CDC5L: variants seen among roughly 807,000 people sequenced by gnomAD.
CDC5L encodes the protein cell division cycle 5 like.
In CDC5L, 18 loss-of-function variants were observed where a neutral mutation model predicts 104.1. The ratio of observed to expected loss-of-function variants is 0.17; its 90% CI spans 0.12 to 0.26. The LOEUF is 0.26. Ranked by LOEUF, CDC5L falls within the 10% of genes least tolerant of loss-of-function variation. CDC5L has a pLI of 1.00. For synonymous variants in CDC5L, 331 were observed against 322.7 expected, an observed-to-expected ratio of 1.03 and a Z score of -0.28; for missense variants, 673 against 956.9, an observed-to-expected ratio of 0.70 and a Z score of 3.91.
chr6:44,445,331 C>T lies in CDC5L; in HGVS notation c.2092-324C>T, dbSNP rs141155801. 3.9e-3 allele frequency among the ~76,000 whole-genome samples: 590 copies of T among 152,222 alleles called. 8 individuals carry two copies. The highest frequency in any genetic ancestry group is 2.9e-3 in the Admixed American group (44 of 15,282). Reference sequence around the variant, plus strand: ...CTTGCAGCTAGTCCCAAAATAAATACGTTGAATGATAGCAGAAGTCATTTT... The same window carrying T: ...CTTGCAGCTAGTCCCAAAATAAATATGTTGAATGATAGCAGAAGTCATTTT... On this transcript the variant is annotated intron_variant, in intron 14 of 15. Transcript: ENST00000371477.
At chr6:44,429,631 G>GA in intron 13 of CDC5L, 82 bp from the exon 14 acceptor site, 2 of 1,237,952 alleles carry the variant, frequency 1.6e-6, no homozygotes, top group East Asian at 2.4e-5. Context: ...AGGCATGAGG[G>GA]AAAAAATTAG....
At chr6:44,404,760 A>G (rs1459372830) in intron 6 of CDC5L, among the ~76,000 whole-genome samples, 1 of 152,126 alleles carries the variant, frequency 6.6e-6, no homozygotes, top group Non-Finnish European at 1.5e-5. Flanking sequence ...CAGTGGCATG[A>G]TCACAGCTCA....
rs1583106177 is a variant in CDC5L, at chr6:44,393,364, A to G, written c.312-82A>G. ...TCCATTGGTTTTTTTGGGGGGAAAAATATCGTCAGAACTTGGAAATCTGGT... is the reference window on the plus strand; with the variant it reads ...TCCATTGGTTTTTTTGGGGGGAAAAGTATCGTCAGAACTTGGAAATCTGGT... On this transcript the variant is annotated intron_variant, in intron 3 of 15. Coordinates refer to ENST00000371477, the MANE Select transcript of CDC5L (RefSeq NM_001253.4). 5.2e-6 allele frequency: 7 copies of G among 1,345,822 alleles called. No individual in the cohort carries two copies. The East Asian group carries it at 1.5e-4, about 28-fold the overall frequency. 83.4% of individuals were successfully genotyped at this position (1,345,822 alleles called of 1,614,324 possible).
intron 14 of CDC5L, 96 bp from the exon 15 acceptor site, chr6:44,445,559 G>C: frequency 1.3e-6 from 1 of 764,732 alleles, no homozygotes; most frequent in East Asian, 2.7e-5. Flanking sequence ...TTTTTGCTTT[G>C]AGACACATAC....
chr6:44,403,968 A>T lies in CDC5L; in HGVS notation c.699A>T (p.Gln233His). The stretch of plus-strand genomic sequence containing the variant: ...ATGATACTTCTGAGGAAAACTACCA[A>T]GCTCTTGACGCAGATTTCAGGAAAT... The part of the protein sequence containing the change: ...GFYDTSEENY[Q>H]ALDADFRKLR... The change falls in exon 6 of 16, where the codon CAA (glutamine) becomes CAT (histidine). Residue 233 changes from glutamine to histidine, a missense_variant. By Grantham distance (24) the Gln-to-His change is conservative (BLOSUM62 0). Around this residue, in one of 4 missense-constraint regions of CDC5L, gnomAD observed 578 missense variants for 737.0 expected, o/e 0.78. Coordinates refer to ENST00000371477, the MANE Select transcript of CDC5L (RefSeq NM_001253.4). The T allele has an allele frequency of 6.2e-7, 1 of 1,613,782 alleles. No homozygotes were observed. The highest frequency in any genetic ancestry group is 8.5e-7 in the Non-Finnish European group (1 of 1,179,956).
intron 14 of CDC5L, 56 bp downstream of exon 14, chr6:44,429,966 T>G: frequency 7.4e-7 from 1 of 1,347,230 alleles, no homozygotes; most frequent in Non-Finnish European, 1.0e-6. Flanking sequence ...GATAATGAAC[T>G]AAATAATGCC....
rs1296040893 is a variant in CDC5L, at chr6:44,446,703, A to C, written c.2401A>C (p.Lys801Gln). 15 of 1,514,814 alleles carry C rather than the reference A, an allele frequency of 9.9e-6. No individual in the cohort carries two copies. The highest frequency in any genetic ancestry group is 1.4e-5 in the African/African-American group (1 of 71,922). The allele number at this position is 1,514,814 out of a possible 1,614,324, so 93.8% of individuals were successfully genotyped here. The change falls in exon 16 of 16, where the codon AAA becomes CAA. Residue 801 changes from lysine (K) to glutamine (Q), a missense_variant. Transcript: ENST00000371477. ...LLLEKETLKSKF is the reference protein window; with the variant it reads ...LLLEKETLKSQF ...GCTGGAGAAAGAGACTTTAAAGTCA[A>C]AATTCTGAAGTACAGTTTATATTCT...
chr6:44,442,375 T>TTGTGTG (rs149528659), intron 14 of CDC5L, among the ~76,000 whole-genome samples: 1,798 of 145,096 alleles, frequency 0.012, 29 homozygotes, highest in African/African-American at 0.041. Context: ...TGTGTGTATG[T>TTGTGTG]TGTGTGTGTG....
chr6:44,405,207 A>G (rs1049138099), intron 6 of CDC5L, among the ~76,000 whole-genome samples: 13 of 152,132 alleles, frequency 8.5e-5, no homozygotes, highest in Admixed American at 5.2e-4. Context: ...ATGGTTGTCA[A>G]GGGTTTTTTA....
Position 44,449,029 on chromosome 6 carries a change from C to T in CDC5L, c.*2318C>T, listed in dbSNP as rs1793553689. On this transcript the variant is annotated 3_prime_UTR_variant, in exon 16 of 16. Coordinates refer to ENST00000371477, the MANE Select transcript of CDC5L (RefSeq NM_001253.4). ...TAAATCATCTTTGCACTCCTGGAAT[C>T]AGGTAGATTAATTTTTAAAAGAAAT... The T allele has an allele frequency of 6.6e-6, 1 of 152,124 alleles. No homozygotes were observed. The highest frequency in any genetic ancestry group is 1.5e-5 in the Non-Finnish European group (1 of 68,016). The allele number at this position is 152,124 out of a possible 1,614,324, so 9.4% of individuals were successfully genotyped here.
chr6:44,409,006 T>C (rs1302406393), intron 8 of CDC5L, among the ~76,000 whole-genome samples: 1 of 152,244 alleles, frequency 6.6e-6, no homozygotes, highest in Non-Finnish European at 1.5e-5. Flanking sequence ...AGTTCTACTT[T>C]CTTCCCTCTC....
In CDC5L at chr6:44,442,494, A is replaced by AC. The variant is rs1160064410; in HGVS notation, c.2092-3161_2092-3160insC. ...TGTTACAGACTTTTGCTTTGTGGTT[A>AC]ACTTGAGGCTTACATAAAACAGCTT... On this transcript the variant is annotated intron_variant, in intron 14 of 15. Coordinates refer to ENST00000371477, the MANE Select transcript of CDC5L (RefSeq NM_001253.4). 6.1e-4 allele frequency among the ~76,000 whole-genome samples: 93 copies of AC among 151,588 alleles called. 1 individual carries two copies. The South Asian group carries it at 0.018, about 30-fold the overall frequency.
chr6:44,392,852 A>G (rs1405980014), intron 3 of CDC5L, 24 bp downstream of exon 3: 6 of 1,600,968 alleles, frequency 3.7e-6, no homozygotes, highest in South Asian at 1.1e-5. Context: ...CAGAAAGAGC[A>G]TAGAATATAT....
intron 5 of CDC5L, among the ~76,000 whole-genome samples, chr6:44,401,752 C>T (rs532400363): frequency 6.6e-6 from 1 of 151,488 alleles, no homozygotes; most frequent in East Asian, 1.9e-4. Context: ...GTGCTGCACC[C>T]ATTAACTCAT....
At chr6:44,396,471 G>T in intron 5 of CDC5L, 31 bp downstream of exon 5, 1 of 1,385,590 alleles carries the variant, frequency 7.2e-7, no homozygotes, top group Non-Finnish European at 1.0e-6. Context: ...AAAAAGCAAA[G>T]TGTTTTTCTC....
At chr6:44,417,072 G>A (rs72866289) in intron 8 of CDC5L, among the ~76,000 whole-genome samples, 8,405 of 152,236 alleles carry the variant, frequency 0.055, 465 homozygotes, top group Admixed American at 0.18. Context: ...CTATGCTTAT[G>A]ACTTCTGTGA....
intron 14 of CDC5L, among the ~76,000 whole-genome samples, chr6:44,443,406 G>A (rs115732942): frequency 0.014 from 2,130 of 151,068 alleles, 21 homozygotes; most frequent in Middle Eastern, 0.034. Flanking sequence ...CCCAGCCTTG[G>A]GAATTTTTCT....
intron 14 of CDC5L, among the ~76,000 whole-genome samples, chr6:44,443,689 C>CT (rs1405750433): frequency 6.6e-6 from 1 of 151,218 alleles, no homozygotes; most frequent in African/African-American, 2.4e-5. Flanking sequence ...CTCATTGATA[C>CT]TTTTTAATAT....
At chr6:44,406,912 CA>C (rs1791391073) in intron 7 of CDC5L, among the ~76,000 whole-genome samples, 1 of 149,508 alleles carries the variant, frequency 6.7e-6, no homozygotes, top group South Asian at 2.2e-4. Flanking sequence ...GACTCTGTCT[CA>C]AAAAACAACA....
Sources: allele counts gnomAD v4.1 joint callset (sites outside exome capture counted in the v4.1 genomes callset), GRCh38; gene constraint gnomAD v4.1.1; regional missense constraint gnomAD v4.1.1; transcripts MANE v1.5; gene names NCBI Gene and HGNC (gene_info 2026-07-23, HGNC 2026-07-21).